CPSF2: variants seen among roughly 807,000 people sequenced by gnomAD.
CPSF2 encodes cleavage and polyadenylation specific factor 2, also known as cleavage and polyadenylation specificity factor subunit 2.
CPSF2 carries 51 observed loss-of-function variants against 84.2 expected under a neutral mutation model. The observed-to-expected ratio is 0.61, with a 90% CI of 0.48 to 0.77. CPSF2 has a LOEUF of 0.77. CPSF2 is among the 30% of genes least tolerant of loss of function. The probability of loss-of-function intolerance (pLI) is 0.00; values close to 1 mark genes in which losing one functional copy is unlikely to be tolerated. For synonymous variants in CPSF2, 286 were observed against 311.9 expected, an observed-to-expected ratio of 0.92 and a Z score of 0.87; for missense variants, 641 against 929.4, an observed-to-expected ratio of 0.69 and a Z score of 4.03.
chr14:92,137,910 T>A (rs929453129), intron 6 of CPSF2, among the ~76,000 whole-genome samples: 2 of 152,038 alleles, frequency 1.3e-5, no homozygotes, highest in Non-Finnish European at 2.9e-5. Context: ...AAAATACATA[T>A]GTATATCAGT....
In CPSF2 at chr14:92,134,005, T is replaced by A. The variant is rs1158395090; in HGVS notation, c.150-6T>A. ...AGAAGTAGTCCTTTGGATTGTGTTCTTGTAGGCATGTTCACCAGATTGATG... is the reference window on the plus strand; with the variant it reads ...AGAAGTAGTCCTTTGGATTGTGTTCATGTAGGCATGTTCACCAGATTGATG... On this transcript the variant is annotated splice_region_variant and splice_polypyrimidine_tract_variant and intron_variant, in intron 3 of 15. Transcript: ENST00000298875. The A allele has an allele frequency of 1.2e-6, 2 of 1,613,768 alleles. No homozygotes were observed. The highest frequency in any genetic ancestry group is 1.7e-5 in the Admixed American group (1 of 59,936).
rs1381507564 is a variant in CPSF2 at position 92,171,384 on chromosome 14, G to C, written c.*9640G>C. On this transcript the variant is annotated 3_prime_UTR_variant, in exon 16 of 16. Transcript: ENST00000298875. The stretch of plus-strand genomic sequence containing the variant: ...AACATGGGTCCCTGTTTTATCATCT[G>C]TAAGTTATGATTTATTTTGATGCCC... 1 of 152,118 alleles carries C rather than the reference G, an allele frequency of 6.6e-6. No homozygotes were observed. The highest frequency in any genetic ancestry group is 1.5e-5 in the Non-Finnish European group (1 of 68,032). 9.4% of individuals were successfully genotyped at this position (152,118 alleles called of 1,614,324 possible).
chr14:92,122,120 C>A lies in CPSF2; in HGVS notation c.-102C>A. The A allele has an allele frequency of 2.5e-6, 1 of 401,030 alleles. No individual in the cohort carries two copies. The highest frequency in any genetic ancestry group is 5.6e-5 in the East Asian group (1 of 17,756). The allele number at this position is 401,030 out of a possible 1,614,324, so 24.8% of individuals were successfully genotyped here. On this transcript the variant is annotated 5_prime_UTR_variant, in exon 1 of 16. Coordinates refer to ENST00000298875, the MANE Select transcript of CPSF2 (RefSeq NM_017437.3). The stretch of plus-strand genomic sequence containing the variant: ...GGGCTGTGGACGGCGTTGGGGGAGG[C>A]CTGACGAGGCAAGTGAGGGCGGGAG...
chr14:92,151,455 A>C (rs559058324), intron 9 of CPSF2, among the ~76,000 whole-genome samples: 9,042 of 109,404 alleles, frequency 0.083, 383 homozygotes, highest in Non-Finnish European at 0.12. Flanking sequence ...AAAAAAATTA[A>C]CACAACAGAG....
intron 7 of CPSF2, among the ~76,000 whole-genome samples, chr14:92,140,608 A>G (rs2069064678): frequency 6.6e-6 from 1 of 150,746 alleles, no homozygotes; most frequent in Non-Finnish European, 1.5e-5. Context: ...AATTTTTTGT[A>G]TTTTTAGTAG....
intron 14 of CPSF2, among the ~76,000 whole-genome samples, chr14:92,159,860 G>A (rs1471230302): frequency 6.8e-6 from 1 of 147,430 alleles, no homozygotes; most frequent in East Asian, 2.0e-4. Flanking sequence ...TTTTTTTTTT[G>A]GTCTGGATTT....
intron 7 of CPSF2, among the ~76,000 whole-genome samples, chr14:92,140,195 G>A (rs1003431922): frequency 7.9e-5 from 12 of 151,182 alleles, no homozygotes; most frequent in East Asian, 5.9e-4. Context: ...CTTGTGATCC[G>A]CCCACCTCGG....
intron 3 of CPSF2, 84 bp from the exon 4 acceptor site, chr14:92,133,927 C>A: frequency 7.0e-7 from 1 of 1,425,502 alleles, no homozygotes; most frequent in Non-Finnish European, 9.7e-7. Context: ...AGTCTTCAAT[C>A]CAGAATTGGT....
intron 2 of CPSF2, among the ~76,000 whole-genome samples, chr14:92,129,918 AT>A (rs1166673458): frequency 9.5e-5 from 14 of 147,424 alleles, no homozygotes; most frequent in Admixed American, 2.7e-4. Flanking sequence ...GTTTTCTTAT[AT>A]TTTTTTTTTG....
intron 7 of CPSF2, among the ~76,000 whole-genome samples, chr14:92,140,624 G>A (rs1328566961): frequency 1.3e-5 from 2 of 151,644 alleles, no homozygotes; most frequent in African/African-American, 4.8e-5. Context: ...AGTAGAGACG[G>A]GGTTTCACCA....
At chr14:92,147,827 G>A (rs559999676) in intron 9 of CPSF2, among the ~76,000 whole-genome samples, 81 of 152,276 alleles carry the variant, frequency 5.3e-4, no homozygotes, top group African/African-American at 1.5e-3. Flanking sequence ...GGGCTCAAGC[G>A]CGCCTCCTGC....
At position 92,166,699 on chromosome 14, in the gene CPSF2, G is replaced by T. The variant is rs941916707; in HGVS notation, c.*4955G>T. The T allele has an allele frequency of 6.6e-6, 1 of 151,968 alleles. No homozygotes were observed. The highest frequency in any genetic ancestry group is 1.5e-5 in the Non-Finnish European group (1 of 67,990). 9.4% of individuals were successfully genotyped at this position (151,968 alleles called of 1,614,324 possible). On this transcript the variant is annotated 3_prime_UTR_variant, in exon 16 of 16. Transcript: ENST00000298875. ...GGTAGGGGTCCAGTTTCATTTTTTT[G>T]CATGTGGATATCCAGTTGTCCCAGC...
intron 2 of CPSF2, among the ~76,000 whole-genome samples, chr14:92,126,778 T>C (rs939637250): frequency 2.0e-5 from 3 of 152,188 alleles, no homozygotes; most frequent in African/African-American, 7.2e-5. Flanking sequence ...CACTCCAGCC[T>C]GGGTACCAGA....
Position 92,169,282 on chromosome 14 carries a change from A to G in CPSF2, c.*7538A>G, listed in dbSNP as rs781685640. The G allele has an allele frequency of 6.6e-6, 1 of 152,208 alleles. No homozygotes were observed. Among genetic ancestry groups the G allele is most frequent in the Non-Finnish European group, 1.5e-5 (1 of 68,048 alleles). The allele number at this position is 152,208 out of a possible 1,614,324, so 9.4% of individuals were successfully genotyped here. On this transcript the variant is annotated 3_prime_UTR_variant, in exon 16 of 16. Coordinates refer to ENST00000298875, the MANE Select transcript of CPSF2 (RefSeq NM_017437.3). ...AGAAACACATTGTGGTCTCAGCCTCATGTGGCATTGCCACTTGTTACTACA... is the reference window on the plus strand; with the variant it reads ...AGAAACACATTGTGGTCTCAGCCTCGTGTGGCATTGCCACTTGTTACTACA...
intron 9 of CPSF2, among the ~76,000 whole-genome samples, chr14:92,149,319 C>T (rs2069181968): frequency 6.6e-6 from 1 of 152,194 alleles, no homozygotes. Flanking sequence ...CGTCATGGCC[C>T]ATGCCTATTC....
chr14:92,131,832 T>G (rs2068935220), intron 3 of CPSF2, among the ~76,000 whole-genome samples: 1 of 151,592 alleles, frequency 6.6e-6, no homozygotes, highest in Admixed American at 6.6e-5. Flanking sequence ...AGCAAGACTC[T>G]GTTTCAAAAA....
intron 6 of CPSF2, 95 bp downstream of exon 6, chr14:92,135,591 C>A: frequency 7.5e-7 from 1 of 1,338,922 alleles, no homozygotes; most frequent in South Asian, 1.5e-5. Context: ...TTTTGGTTAC[C>A]AGAAATTTAG....
intron 2 of CPSF2, among the ~76,000 whole-genome samples, chr14:92,129,099 G>C (rs1011832380): frequency 6.6e-6 from 1 of 152,208 alleles, no homozygotes; most frequent in Non-Finnish European, 1.5e-5. Context: ...AGAAGCTGCA[G>C]TGAGGAGCAA....
rs371547068 is a variant in CPSF2, at chr14:92,142,358, T to A, written c.849+7T>A. ...GGAGTTTTCTAAGTCCCAGGTTTGT[T>A]CTCATGTTGTCACTTGTAATAAGTT... On this transcript the variant is annotated splice_region_variant and intron_variant, in intron 8 of 15. Coordinates refer to ENST00000298875, the MANE Select transcript of CPSF2 (RefSeq NM_017437.3). 3.3e-5 allele frequency: 52 copies of A among 1,598,670 alleles called. No individual in the cohort carries two copies. The highest frequency in any genetic ancestry group is 4.2e-5 in the Non-Finnish European group (49 of 1,170,734).
Sources: gnomAD v4.1 joint callset for allele counts (sites outside exome capture counted in the v4.1 genomes callset) on GRCh38, gnomAD v4.1.1 for gene constraint, MANE v1.5 for transcripts, NCBI Gene and HGNC (gene_info 2026-07-23, HGNC 2026-07-21) for gene names.